AGBL4: variants seen among roughly 807,000 people sequenced by gnomAD.
AGBL4 encodes cytosolic carboxypeptidase 6.
In AGBL4, 58 loss-of-function variants were observed where a neutral mutation model predicts 66.4. The ratio of observed to expected loss-of-function variants is 0.87; its 90% CI spans 0.71 to 1.09. The LOEUF (loss-of-function observed/expected upper bound fraction) is 1.09, where lower values mean the gene tolerates loss of function less well. AGBL4 is among the 50% of genes least tolerant of loss of function. The pLI is 0.00. For missense variants in AGBL4, 579 were observed against 631.0 expected (o/e 0.92, Z 0.88); for synonymous variants, 234 against 222.9 (o/e 1.05, Z -0.44).
chr1:49,771,602 C>T (rs943503591), intron 2 of AGBL4, among the ~76,000 whole-genome samples: 3 of 152,016 alleles, frequency 2.0e-5, no homozygotes, highest in Non-Finnish European at 4.4e-5. Flanking sequence ...ATTAAAGTAC[C>T]TTACAATTAT....
chr1:49,325,216 G>A (rs369264371), intron 3 of AGBL4, among the ~76,000 whole-genome samples: 10 of 152,214 alleles, frequency 6.6e-5, no homozygotes, highest in East Asian at 5.8e-4. Context: ...TGGTAGAGAC[G>A]GGTTTTCACC....
At chr1:49,440,546 AGTTG>A (rs1044635333) in intron 3 of AGBL4, among the ~76,000 whole-genome samples, 1 of 152,182 alleles carries the variant, frequency 6.6e-6, no homozygotes, top group Non-Finnish European at 1.5e-5. Flanking sequence ...AACATAATAA[AGTTG>A]GTTGGTTGCT....
At chr1:49,339,111 C>G (rs1166147811) in intron 3 of AGBL4, among the ~76,000 whole-genome samples, 1 of 151,924 alleles carries the variant, frequency 6.6e-6, no homozygotes, top group East Asian at 1.9e-4. Flanking sequence ...CAAGAGACAC[C>G]CCTCCAATCC....
intron 3 of AGBL4, among the ~76,000 whole-genome samples, chr1:49,384,285 T>C (rs1396669166): frequency 2.0e-5 from 3 of 151,740 alleles, no homozygotes; most frequent in Non-Finnish European, 4.4e-5. Context: ...GAAGAGACAA[T>C]TGTGAAAAGA....
chr1:48,730,151 C>G (rs373541459), intron 6 of AGBL4, among the ~76,000 whole-genome samples: 1 of 152,150 alleles, frequency 6.6e-6, no homozygotes, highest in Non-Finnish European at 1.5e-5. Flanking sequence ...TGTCAAAGCA[C>G]GAATCACAAT....
At chr1:49,454,414 A>G (rs758614098) in intron 3 of AGBL4, among the ~76,000 whole-genome samples, 2 of 151,680 alleles carry the variant, frequency 1.3e-5, no homozygotes, top group Non-Finnish European at 2.9e-5. Flanking sequence ...ATTTCCCTAT[A>G]ATTGAAGATA....
intron 1 of AGBL4, among the ~76,000 whole-genome samples, chr1:49,869,196 A>T (rs1646777798): frequency 6.6e-6 from 1 of 152,046 alleles, no homozygotes; most frequent in African/African-American, 2.4e-5. Flanking sequence ...TGATGCCTCA[A>T]AGACCTAGAA....
intron 3 of AGBL4, among the ~76,000 whole-genome samples, chr1:49,351,245 A>G (rs776860349): frequency 6.6e-6 from 1 of 152,114 alleles, no homozygotes; most frequent in Non-Finnish European, 1.5e-5. Flanking sequence ...GGCTTAGGAC[A>G]ATGACTTTAG....
chr1:49,651,209 G>A (rs544599156), intron 3 of AGBL4, among the ~76,000 whole-genome samples: 1 of 152,120 alleles, frequency 6.6e-6, no homozygotes, highest in African/African-American at 2.4e-5. Context: ...TTGCAACAAG[G>A]GCATGATAGG....
intron 3 of AGBL4, among the ~76,000 whole-genome samples, chr1:49,634,677 A>C (rs1014535124): frequency 2.0e-5 from 3 of 152,126 alleles, no homozygotes; most frequent in African/African-American, 7.2e-5. Flanking sequence ...TACACTCCCA[A>C]CAACAGTGTA....
chr1:48,685,405 A>G (rs978352049), intron 6 of AGBL4, among the ~76,000 whole-genome samples: 3 of 152,104 alleles, frequency 2.0e-5, no homozygotes, highest in Admixed American at 1.3e-4. Flanking sequence ...AGACGAGAAG[A>G]CTTCTCTTCA....
intron 1 of AGBL4, among the ~76,000 whole-genome samples, chr1:49,920,863 G>C (rs1652154581): frequency 6.6e-6 from 1 of 152,128 alleles, no homozygotes; most frequent in Admixed American, 6.5e-5. Flanking sequence ...ATGAAAGACT[G>C]GATTAAGAAA....
At chr1:49,908,872 TTAA>T (rs1279560465) in intron 1 of AGBL4, among the ~76,000 whole-genome samples, 1 of 152,216 alleles carries the variant, frequency 6.6e-6, no homozygotes, top group African/African-American at 2.4e-5. Context: ...TCAATATCCA[TTAA>T]TAATACTTCA....
rs181460900 is a variant in AGBL4 at position 49,836,956 on chromosome 1, G to A, written c.157+14440C>T. On this transcript the variant is annotated intron_variant, in intron 2 of 13. Transcript: ENST00000371839. The stretch of plus-strand genomic sequence containing the variant: ...GCTTGCTCTTTCCTCAGGAAGCTTC[G>A]TTCCAGAGAGGCACCTGCCAGATGC... Among the ~76,000 whole-genome samples the A allele has an allele frequency of 5.3e-5, 8 of 152,244 alleles. No homozygotes were observed. The East Asian group carries it at 1.4e-3, about 26-fold the overall frequency.
At chr1:48,903,901 A>G (rs577465835) in intron 5 of AGBL4, among the ~76,000 whole-genome samples, 2 of 152,318 alleles carry the variant, frequency 1.3e-5, no homozygotes, top group African/African-American at 4.8e-5. Context: ...TGAGATTAGG[A>G]TGGAGCAAGT....
Position 49,465,210 on chromosome 1 carries a change from TACACACACACAC to T in AGBL4, c.283-219358_283-219347del, listed in dbSNP as rs3054630. ...CTGTATTCCCTACCCTACCCCTACATACACACACACACACACACACACACACACACACACACA... is the reference window on the plus strand; with the variant it reads ...CTGTATTCCCTACCCTACCCCTACATACACACACACACACACACACACACA... On this transcript the variant is annotated intron_variant, in intron 3 of 13. Coordinates refer to ENST00000371839, the MANE Select transcript of AGBL4 (RefSeq NM_032785.4). Among the ~76,000 whole-genome samples the T allele has an allele frequency of 3.7e-3, 432 of 116,836 alleles. 2 individuals carry two copies. The highest frequency in any genetic ancestry group is 0.011 in the African/African-American group (336 of 30,730). The allele number at this position is 116,836 out of a possible 152,430, so 76.6% of individuals were successfully genotyped here.
intron 4 of AGBL4, among the ~76,000 whole-genome samples, chr1:49,050,133 C>G (rs548760961): frequency 6.6e-6 from 1 of 152,130 alleles, no homozygotes; most frequent in African/African-American, 2.4e-5. Context: ...GACCTGGGGA[C>G]TAAAGGCTGA....
intron 4 of AGBL4, among the ~76,000 whole-genome samples, chr1:49,089,440 T>C (rs1416616606): frequency 6.6e-6 from 1 of 151,924 alleles, no homozygotes; most frequent in Non-Finnish European, 1.5e-5. Flanking sequence ...CTTACAGAAA[T>C]ACAAAAAACC....
chr1:49,102,890 C>T lies in AGBL4; in HGVS notation c.378-57090G>A, dbSNP rs568168285. ...TTCAATCTCATGCCAGCCACAAACC[C>T]ACCACTAAGATGCTGAAGGACAAAG... On this transcript the variant is annotated intron_variant, in intron 4 of 13. Coordinates refer to ENST00000371839, the MANE Select transcript of AGBL4 (RefSeq NM_032785.4). Among the ~76,000 whole-genome samples, 4 of 152,296 alleles carry T rather than the reference C, an allele frequency of 2.6e-5. No homozygotes were observed. In the South Asian group the frequency reaches 8.3e-4, roughly 32 times the overall value.
Sources: allele counts gnomAD v4.1 joint callset (sites outside exome capture counted in the v4.1 genomes callset), GRCh38; gene constraint gnomAD v4.1.1; transcripts MANE v1.5; gene names NCBI Gene and HGNC (gene_info 2026-07-23, HGNC 2026-07-21).